The following KPNA4 variants were observed in gnomAD, a reference collection of about 807,000 sequenced individuals.
KPNA4 encodes the protein karyopherin subunit alpha 4.
A neutral mutation model predicts 71.3 loss-of-function variants in KPNA4; 13 were observed. The observed-to-expected ratio is 0.18, with a 90% CI of 0.12 to 0.29. KPNA4 has a LOEUF of 0.29. Among genes scored for constraint, KPNA4 ranks in the 10% least tolerant of loss-of-function variants. KPNA4 has a pLI of 1.00. For synonymous variants in KPNA4, 189 were observed against 195.2 expected (o/e 0.97, Z 0.26); for missense variants, 334 against 603.2 (o/e 0.55, Z 4.67).
intron 1 of KPNA4, among the ~76,000 whole-genome samples, chr3:160,547,242 A>C (rs1356741661): frequency 6.6e-6 from 1 of 152,216 alleles, no homozygotes; most frequent in African/African-American, 2.4e-5. Context: ...GAATACTGCT[A>C]AAATCTCCCT....
intron 13 of KPNA4, among the ~76,000 whole-genome samples, chr3:160,512,002 T>C (rs1323145661): frequency 6.6e-6 from 1 of 152,176 alleles, no homozygotes; most frequent in African/African-American, 2.4e-5. Context: ...CTCCCTTTCA[T>C]TCATGATTCA....
chr3:160,513,475 G>A (rs191333390), intron 13 of KPNA4, among the ~76,000 whole-genome samples: 1 of 152,010 alleles, frequency 6.6e-6, no homozygotes, highest in African/African-American at 2.4e-5. Context: ...ATGTTGCCCA[G>A]GCTGGTCTTG....
intron 7 of KPNA4, among the ~76,000 whole-genome samples, chr3:160,530,134 CAAA>C (rs746257397): frequency 7.8e-5 from 3 of 38,530 alleles, no homozygotes; most frequent in African/African-American, 2.1e-4. Context: ...GACTCCATCT[CAAA>C]AAAAAAAAAA....
Position 160,511,384 on chromosome 3 carries a change from C to T in KPNA4, c.1138-1513G>A, listed in dbSNP as rs186427386. 1.1e-4 allele frequency among the ~76,000 whole-genome samples: 17 copies of T among 152,102 alleles called. No homozygotes were observed. In the East Asian group the frequency reaches 1.5e-3, roughly 14 times the overall value. ...CCTCCCAAAGTGCTGGGATTACAGG[C>T]GTGAGCCACTGCACCCGGCCACTAT... On this transcript the variant is annotated intron_variant, in intron 13 of 16. Transcript: ENST00000334256.
At chr3:160,534,402 G>C (rs544654622) in intron 5 of KPNA4, among the ~76,000 whole-genome samples, 5 of 152,192 alleles carry the variant, frequency 3.3e-5, no homozygotes, top group African/African-American at 1.2e-4. Flanking sequence ...CTTAAAATAT[G>C]AGAGCATAGG....
intron 1 of KPNA4, among the ~76,000 whole-genome samples, chr3:160,537,486 T>G (rs1721713484): frequency 6.6e-6 from 1 of 151,860 alleles, no homozygotes; most frequent in Non-Finnish European, 1.5e-5. Context: ...TTTTCTCATT[T>G]TTTAAGTTAC....
intron 12 of KPNA4, chr3:160,514,821 T>C (rs1721170652): frequency 2.5e-6 from 1 of 405,518 alleles, no homozygotes; most frequent in East Asian, 6.1e-5. Flanking sequence ...GACAAAATAA[T>C]GGTGGCCTTA....
chr3:160,537,734 T>C (rs769969712), intron 1 of KPNA4, among the ~76,000 whole-genome samples: 7 of 151,534 alleles, frequency 4.6e-5, no homozygotes, highest in South Asian at 2.1e-4. Flanking sequence ...AACTCCATCC[T>C]TGCAGCTGCA....
At chr3:160,538,424 T>C (rs966871668) in intron 1 of KPNA4, among the ~76,000 whole-genome samples, 4 of 152,102 alleles carry the variant, frequency 2.6e-5, no homozygotes, top group African/African-American at 4.8e-5. Context: ...ACTGGCTACA[T>C]TGAGTGAAGG....
chr3:160,500,507 G>A lies in KPNA4; in HGVS notation c.*1597C>T, dbSNP rs1249206656. On this transcript the variant is annotated 3_prime_UTR_variant, in exon 17 of 17. Coordinates refer to ENST00000334256, the MANE Select transcript of KPNA4 (RefSeq NM_002268.5). ...GGGAAGGCACAGGATTTCCTACAATGAGCCACCTTATAAAGAGTTCTTTTT... is the reference window on the plus strand; with the variant it reads ...GGGAAGGCACAGGATTTCCTACAATAAGCCACCTTATAAAGAGTTCTTTTT... 1 of 152,582 alleles carries A rather than the reference G, an allele frequency of 6.6e-6. No homozygotes were observed. The highest frequency in any genetic ancestry group is 1.5e-5 in the Non-Finnish European group (1 of 68,010). 9.5% of individuals were successfully genotyped at this position (152,582 alleles called of 1,614,324 possible). A position where few individuals can be genotyped will look rare whatever the true frequency, so the allele number is the denominator to read the frequency against.
intron 12 of KPNA4, 24 bp from the exon 13 acceptor site, chr3:160,514,205 A>C: frequency 6.6e-7 from 1 of 1,526,480 alleles, no homozygotes; most frequent in Non-Finnish European, 8.9e-7. Flanking sequence ...GCATTTGAAT[A>C]TTTCTCATTA....
chr3:160,525,958 G>C lies in KPNA4; in HGVS notation c.706C>G (p.Pro236Ala). The C allele has an allele frequency of 6.3e-7, 1 of 1,580,090 alleles. No individual in the cohort carries two copies. The highest frequency in any genetic ancestry group is 2.2e-4 in the Middle Eastern group (1 of 4,608). Residue 236 changes from proline (P) to alanine (A), a missense_variant, in exon 9 of 17, where the codon CCA becomes GCA. Physicochemically the swap from Pro to Ala is conservative, Grantham distance 27. Transcript: ENST00000334256. The part of the protein sequence containing the change: ...NLCRHKDPPP[P>A]METIQEILPA... ...TTTACCTCCTGAATGGTTTCCATTG[G>C]TGGTGGTGGGTCTTTGTGGCGACAT...
At chr3:160,535,011 C>T (rs1428120352) in intron 5 of KPNA4, among the ~76,000 whole-genome samples, 1 of 151,930 alleles carries the variant, frequency 6.6e-6, no homozygotes, top group Non-Finnish European at 1.5e-5. Flanking sequence ...TGTGAGCCAC[C>T]TCGCCCGGCC....
At chr3:160,555,806 T>C in intron 1 of KPNA4, among the ~76,000 whole-genome samples, 1 of 151,062 alleles carries the variant, frequency 6.6e-6, no homozygotes, top group Non-Finnish European at 1.5e-5. Flanking sequence ...TTTCCTTCTT[T>C]TATTTTATTT....
At chr3:160,541,459 AG>A in intron 1 of KPNA4, among the ~76,000 whole-genome samples, 1 of 152,100 alleles carries the variant, frequency 6.6e-6, no homozygotes, top group Non-Finnish European at 1.5e-5. Flanking sequence ...CAAAAAAAAA[AG>A]AAAATAAGAA....
chr3:160,515,618 CTTTT>C (rs112603907), intron 11 of KPNA4, 38 bp from the exon 12 acceptor site: 102 of 1,449,460 alleles, frequency 7.0e-5, no homozygotes, highest in East Asian at 1.3e-4. Context: ...ATGTGAAATC[CTTTT>C]TTTTTTTTTT....
intron 13 of KPNA4, 51 bp from the exon 14 acceptor site, chr3:160,509,922 G>C: frequency 8.8e-7 from 1 of 1,136,834 alleles, no homozygotes; most frequent in East Asian, 2.4e-5. Context: ...AGAGTAAACT[G>C]GAAAAAATGT....
At chr3:160,529,713 A>C (rs1348734015) in intron 7 of KPNA4, among the ~76,000 whole-genome samples, 1 of 152,146 alleles carries the variant, frequency 6.6e-6, no homozygotes, top group Non-Finnish European at 1.5e-5. Context: ...TCGGGTTCTT[A>C]CTTCCAATAA....
At chr3:160,562,016 G>A (rs1313696780) in intron 1 of KPNA4, among the ~76,000 whole-genome samples, 2 of 152,190 alleles carry the variant, frequency 1.3e-5, no homozygotes, top group Non-Finnish European at 2.9e-5. Flanking sequence ...CATACACAAA[G>A]TTAGAGATCA....
Sources: allele counts gnomAD v4.1 joint callset (sites outside exome capture counted in the v4.1 genomes callset), GRCh38; gene constraint gnomAD v4.1.1; transcripts MANE v1.5; gene names NCBI Gene and HGNC (gene_info 2026-07-23, HGNC 2026-07-21).